Variants in MCOLN3 observed in about 807,000 individuals in gnomAD.
MCOLN3 encodes mucolipin-3.
MCOLN3 carries 62 observed loss-of-function variants against 69.4 expected under a neutral mutation model. The observed-to-expected ratio is 0.89, with a 90% CI of 0.73 to 1.10. The LOEUF (loss-of-function observed/expected upper bound fraction) is 1.10, where lower values mean the gene tolerates loss of function less well. MCOLN3 is among the 50% of genes least tolerant of loss of function. MCOLN3 has a pLI of 0.00. For missense variants in MCOLN3, 564 were observed against 656.4 expected (o/e 0.86, Z 1.54); for synonymous variants, 183 against 217.0 (o/e 0.84, Z 1.38).
chr1:85,038,918 G>A (rs760793477), intron 3 of MCOLN3, among the ~76,000 whole-genome samples: 2 of 152,014 alleles, frequency 1.3e-5, no homozygotes, highest in Middle Eastern at 3.2e-3. Flanking sequence ...TTGCTTGAGC[G>A]CAGGAGGCAG....
Position 85,032,801 on chromosome 1 carries a change from C to G in MCOLN3, c.636-9G>C. On this transcript the variant is annotated splice_polypyrimidine_tract_variant and intron_variant, in intron 5 of 12. Transcript: ENST00000370589. ...GCTCCACTGTTAGGAGTCTAGAAAA[C>G]AGAGGTGATTTTAGTTCTGTGGCAA... 1 of 1,613,890 alleles carries G rather than the reference C, an allele frequency of 6.2e-7. No homozygotes were observed. Among genetic ancestry groups the G allele is most frequent in the Non-Finnish European group, 8.5e-7 (1 of 1,179,786 alleles).
At chr1:85,037,803 G>A (rs1386808817) in intron 3 of MCOLN3, among the ~76,000 whole-genome samples, 1 of 152,144 alleles carries the variant, frequency 6.6e-6, no homozygotes, top group Non-Finnish European at 1.5e-5. Context: ...ATGGTGAGAC[G>A]GCACAGAGCA....
chr1:85,027,003 C>T (rs1359746739), intron 7 of MCOLN3, among the ~76,000 whole-genome samples: 1 of 152,042 alleles, frequency 6.6e-6, no homozygotes, highest in Non-Finnish European at 1.5e-5. Context: ...ATCCTCTCAC[C>T]TCAGCCTCCC....
At chr1:85,040,983 A>G (rs778238229) in intron 3 of MCOLN3, 27 bp downstream of exon 3, 6 of 1,607,082 alleles carry the variant, frequency 3.7e-6, no homozygotes, top group Non-Finnish European at 3.4e-6. Context: ...CTTTTTCCCA[A>G]GTAAATAATG....
At chr1:85,031,795 G>T (rs1210086569) in intron 6 of MCOLN3, among the ~76,000 whole-genome samples, 1 of 152,136 alleles carries the variant, frequency 6.6e-6, no homozygotes, top group Non-Finnish European at 1.5e-5. Flanking sequence ...AAAATAGGCT[G>T]GGCACGGTGG....
At chr1:85,041,317 G>A (rs1283989158) in intron 2 of MCOLN3, 140 bp from the exon 3 acceptor site, 6 of 672,522 alleles carry the variant, frequency 8.9e-6, no homozygotes, top group South Asian at 4.9e-5. Flanking sequence ...TGCAGCAGGT[G>A]GATAATAAAT....
At chr1:85,037,363 G>A (rs1214553609) in intron 3 of MCOLN3, among the ~76,000 whole-genome samples, 1 of 152,162 alleles carries the variant, frequency 6.6e-6, no homozygotes, top group Non-Finnish European at 1.5e-5. Context: ...GGGTCACGAC[G>A]CACAGTCATA....
chr1:85,019,757 C>A (rs1351558091), intron 12 of MCOLN3, among the ~76,000 whole-genome samples: 1 of 152,202 alleles, frequency 6.6e-6, no homozygotes, highest in Non-Finnish European at 1.5e-5. Context: ...TGGACTCTCT[C>A]GAGTTGGCCC....
intron 3 of MCOLN3, chr1:85,036,631 T>A (rs1393087655): frequency 6.6e-6 from 1 of 152,222 alleles, no homozygotes; most frequent in South Asian, 2.1e-4. Flanking sequence ...TTCCATGTCC[T>A]GAGAGACCTG....
At chr1:85,026,669 A>T (rs976542361) in intron 7 of MCOLN3, among the ~76,000 whole-genome samples, 1 of 151,646 alleles carries the variant, frequency 6.6e-6, no homozygotes, top group Non-Finnish European at 1.5e-5. Context: ...AGGCAGCAGA[A>T]TGGCGTGGAC....
rs1377811564 is a variant in MCOLN3, at chr1:85,018,260, G to A, written c.*863C>T. 2 of 152,170 alleles carry A rather than the reference G, an allele frequency of 1.3e-5. No individual in the cohort carries two copies. The highest frequency in any genetic ancestry group is 2.4e-5 in the African/African-American group (1 of 41,440). The allele number at this position is 152,170 out of a possible 1,614,324, so 9.4% of individuals were successfully genotyped here. On this transcript the variant is annotated 3_prime_UTR_variant, in exon 13 of 13. Transcript: ENST00000370589. ...CATAACCAAATACAGTCATATGCTG[G>A]ATAACGATGTTTTGGTCAATGATGT...
rs1470627492 is a variant in MCOLN3 at position 85,041,068 on chromosome 1, G to T, written c.338C>A (p.Thr113Lys). The stretch of plus-strand genomic sequence containing the variant: ...GTCACTTTGTGTGTACACTGCATAT[G>T]TGTCATCCATTCGGTCCATATATCC... ...LKGYMDRMDD[T>K]YAVYTQSDVY... The change falls in exon 3 of 13, where the codon ACA (threonine) becomes AAA (lysine). Residue 113 changes from threonine (T) to lysine (K), a missense_variant. Transcript: ENST00000370589. The T allele has an allele frequency of 1.2e-6, 2 of 1,614,042 alleles. No individual in the cohort carries two copies. Among genetic ancestry groups the T allele is most frequent in the Admixed American group, 3.3e-5 (2 of 60,026 alleles).
intron 3 of MCOLN3, among the ~76,000 whole-genome samples, chr1:85,036,539 T>A (rs1652812138): frequency 3.3e-5 from 5 of 152,166 alleles, no homozygotes. Context: ...AGATTTTGCT[T>A]ATGTATATTA....
Position 85,026,102 on chromosome 1 carries a change from A to G in MCOLN3, c.946-14T>C. On this transcript the variant is annotated splice_polypyrimidine_tract_variant and intron_variant, in intron 8 of 12. Transcript: ENST00000370589. ...ATTGACAAACTCCTTTAGGGAAAAG[A>G]GGGGAGGCACAGTGAATGTCTCTGT... 6.2e-7 allele frequency: 1 copy of G among 1,609,924 alleles called. No homozygotes were observed.
In MCOLN3 at chr1:85,045,302, C is replaced by T. The variant is rs147497215; in HGVS notation, c.59G>A (p.Cys20Tyr). 711 of 1,613,974 alleles carry T rather than the reference C, an allele frequency of 4.4e-4. 3 individuals are homozygous for T. The highest frequency in any genetic ancestry group is 5.2e-4 in the South Asian group (47 of 91,074). ...SCSSHEEENR[C>Y]NFNQQTSPSE... ...TGGAGATGTTTGCTGGTTAAAATTG[C>T]AGCGATTTTCCTCTTCATGAGAGCT... is the stretch of plus-strand genomic sequence containing the variant. The change falls in exon 2 of 13, where the codon TGC (cysteine) becomes TAC (tyrosine). Residue 20 changes from cysteine to tyrosine, a missense_variant. Coordinates refer to ENST00000370589, the MANE Select transcript of MCOLN3 (RefSeq NM_018298.11).
At position 85,021,064 on chromosome 1, in the gene MCOLN3, A is replaced by T. The variant is rs774194949; in HGVS notation, c.1527+6T>A. ...TGCTACTACTTATGGCTCTTGATAA[A>T]CCTACCTTAATTGTTTCGTATGTAT... On this transcript the variant is annotated splice_donor_region_variant and intron_variant, in intron 12 of 12. Coordinates refer to ENST00000370589, the MANE Select transcript of MCOLN3 (RefSeq NM_018298.11). 1 of 1,599,894 alleles carries T rather than the reference A, an allele frequency of 6.3e-7. No homozygotes were observed. Among genetic ancestry groups the T allele is most frequent in the East Asian group, 2.2e-5 (1 of 44,738 alleles).
intron 9 of MCOLN3, among the ~76,000 whole-genome samples, chr1:85,024,300 C>T (rs1052828571): frequency 6.6e-6 from 1 of 152,064 alleles, no homozygotes; most frequent in African/African-American, 2.4e-5. Context: ...TTAAGAAAAG[C>T]GGCAAAAACA....
At position 85,032,950 on chromosome 1, in the gene MCOLN3, A is replaced by G. The variant is rs767292844; in HGVS notation, c.557T>C (p.Phe186Ser). ...DIDPEIETEC[F>S]FVEPDEPFHI... ...AAAAGGTTCATCTGGCTCCACAAAG[A>G]AACACTCTGCCATAGAAAGGAACAA... Residue 186 changes from phenylalanine to serine, a missense_variant, in exon 5 of 13, where the codon TTC becomes TCC. Transcript: ENST00000370589. 45 of 1,613,932 alleles carry G rather than the reference A, an allele frequency of 2.8e-5. No homozygotes were observed. The highest frequency in any genetic ancestry group is 3.7e-5 in the Non-Finnish European group (44 of 1,180,030).
intron 4 of MCOLN3, among the ~76,000 whole-genome samples, chr1:85,033,244 G>A (rs1652626214): frequency 6.6e-6 from 1 of 151,728 alleles, no homozygotes; most frequent in Admixed American, 6.6e-5. Flanking sequence ...TTTAAGCCTA[G>A]ATAAACTTTG....
Sources: gnomAD v4.1 joint callset for allele counts (sites outside exome capture counted in the v4.1 genomes callset) on GRCh38, gnomAD v4.1.1 for gene constraint, MANE v1.5 for transcripts, NCBI Gene and HGNC (gene_info 2026-07-23, HGNC 2026-07-21) for gene names.